Variants in RBAK observed in about 807,000 individuals in gnomAD.
RBAK encodes the protein RB-associated KRAB zinc finger protein.
In RBAK, 39 loss-of-function variants were observed where a neutral mutation model predicts 65.8. The observed-to-expected ratio is 0.59, with a 90% CI of 0.46 to 0.77. RBAK has a LOEUF of 0.77. Among genes scored for constraint, RBAK ranks in the 30% least tolerant of loss-of-function variants. The pLI is 0.00. For synonymous variants in RBAK, 343 were observed against 289.7 expected, an observed-to-expected ratio of 1.18 and a Z score of -1.87; for missense variants, 884 against 855.1, an observed-to-expected ratio of 1.03 and a Z score of -0.42.
In RBAK at chr7:5,067,976, C is replaced by A. The variant is rs1779261823; in HGVS notation, c.*2375C>A. The A allele has an allele frequency of 6.6e-6, 1 of 152,038 alleles. No homozygotes were observed. Among genetic ancestry groups the A allele is most frequent in the Non-Finnish European group, 1.5e-5 (1 of 68,010 alleles). The allele number at this position is 152,038 out of a possible 1,614,324, so 9.4% of individuals were successfully genotyped here. Reference sequence around the variant, plus strand: ...GGACAGTTTGTAATCTTGGAGTAAGCAAAGGTTTATTGAGACCCAAAAAGC... The same window carrying A: ...GGACAGTTTGTAATCTTGGAGTAAGAAAAGGTTTATTGAGACCCAAAAAGC... On this transcript the variant is annotated 3_prime_UTR_variant, in exon 5 of 5. Transcript: ENST00000396912.
chr7:5,065,346 A>C lies in RBAK; in HGVS notation c.1890A>C (p.Lys630Asn). 1 of 1,613,840 alleles carries C rather than the reference A, an allele frequency of 6.2e-7. No individual in the cohort carries two copies. Among genetic ancestry groups the C allele is most frequent in the Non-Finnish European group, 8.5e-7 (1 of 1,179,842 alleles). Residue 630 changes from lysine to asparagine, a missense_variant, in exon 5 of 5, where the codon AAA (lysine) becomes AAC (asparagine). Coordinates refer to ENST00000396912, the MANE Select transcript of RBAK (RefSeq NM_021163.4). This position sits in a 1 kb window ranked among gnomAD's most constrained non-coding sequence, Gnocchi z 5.3. Reference sequence around the variant, plus strand: ...CCTATGAATGTAGTAAATGTGGAAAAGTCTTCTCTCGGATGTCAAACCTCA... The same window carrying C: ...CCTATGAATGTAGTAAATGTGGAAACGTCTTCTCTCGGATGTCAAACCTCA... ...EKPYECSKCGKVFSRMSNLTV... is the reference protein window; with the variant it reads ...EKPYECSKCGNVFSRMSNLTV...
chr7:5,065,463 C>G lies in RBAK; in HGVS notation c.2007C>G (p.His669Gln). 6.2e-7 allele frequency: 1 copy of G among 1,612,844 alleles called. No homozygotes were observed. Among genetic ancestry groups the G allele is most frequent in the Non-Finnish European group, 8.5e-7 (1 of 1,179,340 alleles). Residue 669 changes from histidine (H) to glutamine (Q), a missense_variant, in exon 5 of 5, where the codon CAC becomes CAG. Coordinates refer to ENST00000396912, the MANE Select transcript of RBAK (RefSeq NM_021163.4). This position sits in a 1 kb window ranked among gnomAD's most constrained non-coding sequence, Gnocchi z 5.3. ...VFSQKSYLTV[H>Q]YRTHSGEKPY... ...CTCAGAAGTCATACCTCACTGTACA[C>G]TATAGAACTCATTCAGGAGAGAAAC...
At chr7:5,054,388 A>C (rs1788178976) in intron 2 of RBAK, among the ~76,000 whole-genome samples, 1 of 149,936 alleles carries the variant, frequency 6.7e-6, no homozygotes, top group Non-Finnish European at 1.5e-5. Flanking sequence ...CTAGAAGACA[A>C]GAGTGAGACT....
chr7:5,068,922 G>C lies in RBAK; in HGVS notation c.*3321G>C, dbSNP rs1312124059. ...TGAATGAAAGACTCCAGACACAAAA[G>C]CCAACATGCTGTATGATTCCTTCTA... On this transcript the variant is annotated 3_prime_UTR_variant, in exon 5 of 5. Transcript: ENST00000396912. 6.6e-6 allele frequency: 1 copy of C among 152,164 alleles called. No individual in the cohort carries two copies. Among genetic ancestry groups the C allele is most frequent in the Non-Finnish European group, 1.5e-5 (1 of 68,022 alleles). The allele number at this position is 152,164 out of a possible 1,614,324, so 9.4% of individuals were successfully genotyped here.
At chr7:5,055,315 G>A (rs965478447) in intron 2 of RBAK, among the ~76,000 whole-genome samples, 10 of 151,780 alleles carry the variant, frequency 6.6e-5, no homozygotes, top group Non-Finnish European at 1.2e-4. Context: ...GTATATATAT[G>A]TGCTTGTGTG....
intron 4 of RBAK, among the ~76,000 whole-genome samples, chr7:5,061,246 C>T (rs563334830): frequency 1.5e-4 from 23 of 152,182 alleles, no homozygotes; most frequent in African/African-American, 5.5e-4. Context: ...CACAGTTACA[C>T]AGCTTGACCA....
chr7:5,053,560 A>G (rs188355672), intron 2 of RBAK, among the ~76,000 whole-genome samples: 239 of 152,168 alleles, frequency 1.6e-3, no homozygotes, highest in African/African-American at 5.5e-3. Context: ...ATTTCTTCAC[A>G]TACCCACCAC....
chr7:5,057,668 C>G lies in RBAK; in HGVS notation c.143-16C>G, dbSNP rs753883617. 6.2e-7 allele frequency: 1 copy of G among 1,613,664 alleles called. No homozygotes were observed. The highest frequency in any genetic ancestry group is 2.2e-5 in the East Asian group (1 of 44,880). The stretch of plus-strand genomic sequence containing the variant: ...CAAGCAGCTTCCCCAAGTCCTCCTT[C>G]TTTTCCCATTAACAGGATATGATAC... On this transcript the variant is annotated splice_polypyrimidine_tract_variant and intron_variant, in intron 3 of 4. Transcript: ENST00000396912.
chr7:5,058,755 A>G (rs1476626196), intron 4 of RBAK, among the ~76,000 whole-genome samples: 1 of 152,238 alleles, frequency 6.6e-6, no homozygotes, highest in Non-Finnish European at 1.5e-5. Context: ...TGTGAATTTC[A>G]TAAGTGAATG....
chr7:5,065,460 A>G lies in RBAK; in HGVS notation c.2004A>G (p.Val668=). The change falls in exon 5 of 5, where the codon GTA becomes GTG. Residue 668 remains valine, a synonymous_variant. Coordinates refer to ENST00000396912, the MANE Select transcript of RBAK (RefSeq NM_021163.4). This position sits in a 1 kb window ranked among gnomAD's most constrained non-coding sequence, Gnocchi z 5.3. ...TTTCTCAGAAGTCATACCTCACTGT[A>G]CACTATAGAACTCATTCAGGAGAGA... ...KVFSQKSYLT[V]HYRTHSGEKP... The G allele has an allele frequency of 6.2e-7, 1 of 1,613,236 alleles. No homozygotes were observed. Among genetic ancestry groups the G allele is most frequent in the Non-Finnish European group, 8.5e-7 (1 of 1,179,542 alleles).
Position 5,047,115 on chromosome 7 carries a change from C to A in RBAK, c.-45+719C>A, listed in dbSNP as rs190903903. 8.5e-4 allele frequency among the ~76,000 whole-genome samples: 129 copies of A among 152,230 alleles called. 3 individuals carry two copies. The East Asian group carries it at 0.018, about 21-fold the overall frequency. ...AGTTTAAAGAGACAATAAGAAAATG[C>A]GGGCCGGATGCAGTGGCTCACACCT... On this transcript the variant is annotated intron_variant, in intron 1 of 4. Coordinates refer to ENST00000396912, the MANE Select transcript of RBAK (RefSeq NM_021163.4).
Position 5,057,543 on chromosome 7 carries a change from A to G in RBAK, c.142+122A>G, listed in dbSNP as rs1235362108. 17 of 1,594,074 alleles carry G rather than the reference A, an allele frequency of 1.1e-5. No individual in the cohort carries two copies. In the Admixed American group the frequency reaches 2.1e-4, roughly 20 times the overall value. On this transcript the variant is annotated intron_variant, in intron 3 of 4. Coordinates refer to ENST00000396912, the MANE Select transcript of RBAK (RefSeq NM_021163.4). ...CACTAGCTGGAGTGTTTATATTATTATTCATTGAAAGGTTCTAACTTTGAT... is the reference window on the plus strand; with the variant it reads ...CACTAGCTGGAGTGTTTATATTATTGTTCATTGAAAGGTTCTAACTTTGAT...
In RBAK at chr7:5,064,690, C is replaced by G. The variant is rs1362647364; in HGVS notation, c.1234C>G (p.Arg412Gly). 1 of 1,611,954 alleles carries G rather than the reference C, an allele frequency of 6.2e-7. No homozygotes were observed. Among genetic ancestry groups the G allele is most frequent in the African/African-American group, 1.3e-5 (1 of 74,938 alleles). Residue 412 changes from arginine (R) to glycine (G), a missense_variant, in exon 5 of 5, where the codon CGA (arginine) becomes GGA (glycine). By Grantham distance (125) the Arg-to-Gly change is moderately radical (BLOSUM62 -2). Transcript: ENST00000396912. This position sits in a 1 kb window ranked among gnomAD's most constrained non-coding sequence, Gnocchi z 6.3. ...TAATGAATGTGGGAAATCCTACTAC[C>G]GAAAGTCTACTCTGATTACACATCA... Reference protein sequence around the residue: ...KCNECGKSYYRKSTLITHQRT... With the variant: ...KCNECGKSYYGKSTLITHQRT...
rs916998050 is a variant in RBAK at position 5,048,725 on chromosome 7, A to C, written c.15+634A>C. On this transcript the variant is annotated intron_variant, in intron 2 of 4. Coordinates refer to ENST00000396912, the MANE Select transcript of RBAK (RefSeq NM_021163.4). This position sits in a 1 kb window ranked among gnomAD's most constrained non-coding sequence, Gnocchi z 4.4. ...CCAAGACTGGGTCATTTATAAAGAA[A>C]AGAGGTTTAATTGGCTCACGCCTGC... Among the ~76,000 whole-genome samples, 18 of 152,204 alleles carry C rather than the reference A, an allele frequency of 1.2e-4. No homozygotes were observed. The highest frequency in any genetic ancestry group is 1.9e-4 in the Non-Finnish European group (13 of 68,046).
Position 5,057,751 on chromosome 7 carries a change from A to G in RBAK, c.210A>G (p.Gly70=). The change falls in exon 4 of 5, where the codon GGA becomes GGG. Residue 70 remains glycine (G), a synonymous_variant. Transcript: ENST00000396912. ...AGGGAGAGGAGCCGTGGATAATGGG[A>G]GGTGAATTTCCATGTCAACATAGTC... The part of the protein sequence containing the change: ...LEQGEEPWIM[G]GEFPCQHSPE... 1 of 1,613,872 alleles carries G rather than the reference A, an allele frequency of 6.2e-7. No homozygotes were observed.
chr7:5,051,123 AATATATTTG>A (rs1360416982), intron 2 of RBAK, among the ~76,000 whole-genome samples: 2 of 152,178 alleles, frequency 1.3e-5, no homozygotes, highest in Admixed American at 6.5e-5. Context: ...GTCCTTTTGA[AATATATTTG>A]ATATATTTGA....
Position 5,068,521 on chromosome 7 carries a change from A to T in RBAK, c.*2920A>T, listed in dbSNP as rs73673288. 1.3e-5 allele frequency: 2 copies of T among 152,150 alleles called. No homozygotes were observed. The highest frequency in any genetic ancestry group is 2.9e-5 in the Non-Finnish European group (2 of 68,022). The allele number at this position is 152,150 out of a possible 1,614,324, so 9.4% of individuals were successfully genotyped here. A position where few individuals can be genotyped will look rare whatever the true frequency, so the allele number is the denominator to read the frequency against. On this transcript the variant is annotated 3_prime_UTR_variant, in exon 5 of 5. Transcript: ENST00000396912. ...GAAATGCAAACTTAAAACATGTAGC[A>T]CTGCTACCCATCCATGGAAATGGTT...
At chr7:5,062,216 C>T (rs1779092655) in intron 4 of RBAK, among the ~76,000 whole-genome samples, 1 of 152,122 alleles carries the variant, frequency 6.6e-6, no homozygotes, top group Admixed American at 6.5e-5. Flanking sequence ...CCTCCTGATC[C>T]CATTTGTATC....
At position 5,048,242 on chromosome 7, in the gene RBAK, G is replaced by A. The variant is rs1188417109; in HGVS notation, c.15+151G>A. Reference sequence around the variant, plus strand: ...GGCTGGAGTGCAGTGGCATGATCTCGCTTCACTGCAACCTCCACCTCCTGG... The same window carrying A: ...GGCTGGAGTGCAGTGGCATGATCTCACTTCACTGCAACCTCCACCTCCTGG... On this transcript the variant is annotated intron_variant, in intron 2 of 4. Transcript: ENST00000396912. The surrounding 1 kb of genome is among the most constrained non-coding windows in gnomAD (Gnocchi z 4.4). The A allele has an allele frequency of 1.9e-5, 18 of 958,046 alleles. No individual in the cohort carries two copies. The highest frequency in any genetic ancestry group is 3.5e-5 in the South Asian group (2 of 57,712). The allele number at this position is 958,046 out of a possible 1,614,324, so 59.3% of individuals were successfully genotyped here.
Sources: allele counts gnomAD v4.1 joint callset (sites outside exome capture counted in the v4.1 genomes callset), GRCh38; gene constraint gnomAD v4.1.1; non-coding constraint Gnocchi (gnomAD v3.1); transcripts MANE v1.5; gene names NCBI Gene and HGNC (gene_info 2026-07-23, HGNC 2026-07-21).